Variants in APOL3 observed in about 807,000 individuals in gnomAD.
APOL3 encodes the protein TNF-inducible protein CG12-1.
A neutral mutation model predicts 11.6 loss-of-function variants in APOL3; 14 were observed. The ratio of observed to expected loss-of-function variants is 1.21; its 90% CI spans 0.80 to 1.89. APOL3 has a LOEUF of 1.89. Among genes scored for constraint, APOL3 ranks in the 40% most tolerant of loss-of-function variants. The probability of loss-of-function intolerance (pLI) is 0.00; values close to 1 mark genes in which losing one functional copy is unlikely to be tolerated. For synonymous variants in APOL3, 192 were observed against 190.6 expected, an observed-to-expected ratio of 1.01 and a Z score of -0.06; for missense variants, 483 against 492.1, an observed-to-expected ratio of 0.98 and a Z score of 0.17.
chr22:36,158,109 A>G (rs887578001), intron 1 of APOL3, among the ~76,000 whole-genome samples: 30 of 152,334 alleles, frequency 2.0e-4, no homozygotes, highest in Admixed American at 1.4e-3. Context: ...ATCTGAAGAA[A>G]TAGAAATTAA....
intron 1 of APOL3, among the ~76,000 whole-genome samples, chr22:36,157,507 C>T (rs1422524080): frequency 6.6e-6 from 1 of 152,132 alleles, no homozygotes; most frequent in Non-Finnish European, 1.5e-5. Flanking sequence ...TAAAACTATA[C>T]TAGAAGAAAT....
chr22:36,163,788 C>T (rs897092581), upstream of APOL3, among the ~76,000 whole-genome samples: 3 of 152,244 alleles, frequency 2.0e-5, no homozygotes, highest in Non-Finnish European at 4.4e-5. Flanking sequence ...CCAGCTGCAT[C>T]CACACTCCTA....
intron 2 of APOL3, among the ~76,000 whole-genome samples, chr22:36,145,042 A>G (rs192916827): frequency 2.4e-4 from 36 of 151,712 alleles, no homozygotes; most frequent in Non-Finnish European, 4.1e-4. Flanking sequence ...AAAAGAAAAA[A>G]AAAGAAAAAC....
chr22:36,149,508 T>C, intron 1 of APOL3: 2 of 708,712 alleles, frequency 2.8e-6, no homozygotes, highest in South Asian at 1.6e-5. Context: ...ACATGTGTGA[T>C]AACTAATTGA....
At chr22:36,140,997 T>C (rs1379907001) in exon 3 of APOL3, 42 of 684,696 alleles carry the variant, frequency 6.1e-5, no homozygotes, top group Non-Finnish European at 8.8e-5. Context: ...TATTCCAGGC[T>C]CCAGCATTCC....
chr22:36,164,480 C>A (rs563926578), upstream of APOL3: 1 of 152,194 alleles, frequency 6.6e-6, no homozygotes, highest in African/African-American at 2.4e-5. Context: ...AGGATGAGGC[C>A]ATTACTTGGA....
rs573296139 is a variant in APOL3 at position 36,142,036 on chromosome 22, C to T, written c.373G>A (p.Glu125Lys). 1.6e-5 allele frequency: 26 copies of T among 1,612,800 alleles called. No individual in the cohort carries two copies. The East Asian group carries it at 4.5e-4, about 28-fold the overall frequency. ...TATGTTCTAAGCTTCTTCAGAGCTT[C>T]GTAGAGAGCATCTGCCTCATCCCTG... Residue 125 changes from glutamate (E) to lysine (K), a missense_variant, in exon 3 of 3, where the codon GAA becomes AAA. By Grantham distance (56) the Glu-to-Lys change is moderately conservative. Coordinates refer to ENST00000349314, the Ensembl canonical transcript of APOL3.
chr22:36,153,862 T>C (rs2012257373), intron 1 of APOL3, among the ~76,000 whole-genome samples: 1 of 152,212 alleles, frequency 6.6e-6, no homozygotes, highest in African/African-American at 2.4e-5. Context: ...GAGACATCAA[T>C]TAAGTACACT....
chr22:36,145,692 A>T (rs2060173191), intron 1 of APOL3, 93 bp from the exon 3 acceptor site: 1 of 1,488,248 alleles, frequency 6.7e-7, no homozygotes. Flanking sequence ...ATCCTCCTCA[A>T]CCAGCTGTCA....
chr22:36,153,289 A>G (rs1569529571), intron 1 of APOL3: 2 of 425,452 alleles, frequency 4.7e-6, no homozygotes, highest in South Asian at 1.6e-5. Flanking sequence ...GCTAACCTCA[A>G]TAATGGTTTG....
upstream of APOL3, chr22:36,164,527 T>C (rs1379906759): frequency 1.3e-5 from 2 of 152,240 alleles, no homozygotes; most frequent in African/African-American, 4.8e-5. Flanking sequence ...CAATCACACT[T>C]GTACCCTATT....
Position 36,156,963 on chromosome 22 carries a change from G to A in APOL3, c.223+3706C>T, listed in dbSNP as rs576178662. 4.7e-4 allele frequency: 214 copies of A among 456,280 alleles called. 4 individuals carry two copies. In the Admixed American group the frequency reaches 4.9e-3, roughly 11 times the overall value. 28.3% of individuals were successfully genotyped at this position (456,280 alleles called of 1,614,324 possible). A position where few individuals can be genotyped will look rare whatever the true frequency, so the allele number is the denominator to read the frequency against. ...TGGCCCAGCTTCAGTTTCACTTTCA[G>A]TTGAGGGATTGAATGTTTTTCCTTG... On this transcript the variant is annotated intron_variant, in intron 1 of 2. Transcript: ENST00000349314.
At chr22:36,158,966 CGTGT>C (rs35041494) in intron 1 of APOL3, among the ~76,000 whole-genome samples, 5,904 of 149,832 alleles carry the variant, frequency 0.039, 247 homozygotes, top group African/African-American at 0.11. Context: ...TGTGAGTGTG[CGTGT>C]GTGTGTGTGT....
At chr22:36,154,994 C>T (rs533504026) in intron 1 of APOL3, among the ~76,000 whole-genome samples, 9 of 152,296 alleles carry the variant, frequency 5.9e-5, no homozygotes, top group African/African-American at 1.7e-4. Flanking sequence ...GGTTCCTTCT[C>T]GCACCCCTTA....
At chr22:36,153,250 C>T in intron 1 of APOL3, 1 of 337,462 alleles carries the variant, frequency 3.0e-6, no homozygotes, top group Non-Finnish European at 6.0e-6. Flanking sequence ...TTTAACAAAA[C>T]AGAAGTTACT....
At chr22:36,160,704 C>T (rs190437606) in exon 1 of APOL3, 2 of 1,614,000 alleles carry the variant, frequency 1.2e-6, no homozygotes, top group African/African-American at 2.7e-5. Flanking sequence ...TGAGCAAGAT[C>T]CAGCTGTTCT....
At chr22:36,147,911 G>T (rs2060278311) in intron 1 of APOL3, among the ~76,000 whole-genome samples, 1 of 152,216 alleles carries the variant, frequency 6.6e-6, no homozygotes, top group South Asian at 2.1e-4. Context: ...TTTCAGATGG[G>T]TGCTTACGTT....
At chr22:36,165,497 T>C (rs2013836820), upstream of APOL3, 1 of 152,234 alleles carries the variant, frequency 6.6e-6, no homozygotes, top group Non-Finnish European at 1.5e-5. Flanking sequence ...AGGCTTTGAC[T>C]GGTGGAAATT....
rs369513422 is a variant in APOL3, at chr22:36,141,326, C to T, written c.1083G>A (p.Lys361=). Residue 361 remains lysine (K), a synonymous_variant, in exon 3 of 3, where the codon AAG becomes AAA. Coordinates refer to ENST00000349314, the Ensembl canonical transcript of APOL3. ...CAGACTTTGCCCCCTCATGCAAGTGCTTTGACTCGTATACAAGGTTGACCA... is the reference window on the plus strand; with the variant it reads ...CAGACTTTGCCCCCTCATGCAAGTGTTTTGACTCGTATACAAGGTTGACCA... 5.0e-6 allele frequency: 8 copies of T among 1,614,092 alleles called. No individual in the cohort carries two copies. In the African/African-American group the frequency reaches 1.1e-4, roughly 22 times the overall value.
Sources: allele counts gnomAD v4.1 joint callset (sites outside exome capture counted in the v4.1 genomes callset), GRCh38; gene constraint gnomAD v4.1.1; transcripts MANE v1.5; gene names NCBI Gene and HGNC (gene_info 2026-07-23, HGNC 2026-07-21).